LITAF: variants seen among roughly 807,000 people sequenced by gnomAD.
The protein encoded by LITAF is lipopolysaccharide-induced tumor necrosis factor-alpha factor.
A neutral mutation model predicts 14.5 loss-of-function variants in LITAF; 9 were observed. The ratio of observed to expected loss-of-function variants is 0.62; its 90% CI spans 0.37 to 1.08. The LOEUF (loss-of-function observed/expected upper bound fraction) is 1.08. Ranked by LOEUF, LITAF falls within the 50% of genes least tolerant of loss-of-function variation. The pLI, the probability that LITAF is intolerant of heterozygous loss-of-function variation, is 0.01. For missense variants in LITAF, 206 were observed against 213.4 expected, an observed-to-expected ratio of 0.97 and a Z score of 0.22; for synonymous variants, 98 against 88.2, an observed-to-expected ratio of 1.11 and a Z score of -0.62.
upstream of LITAF, among the ~76,000 whole-genome samples, chr16:11,602,729 TG>T (rs2064935029): frequency 2.0e-5 from 3 of 149,170 alleles, no homozygotes; most frequent in Admixed American, 6.8e-5. Flanking sequence ...TGTACCAGGT[TG>T]TAAGATCTAT....
chr16:11,573,476 G>A (rs1033295381), intron 1 of LITAF, among the ~76,000 whole-genome samples: 3 of 152,182 alleles, frequency 2.0e-5, no homozygotes, highest in Non-Finnish European at 4.4e-5. Flanking sequence ...AAAATGACAA[G>A]CACATGGGGT....
chr16:11,613,761 G>C (rs552685951), intron 3 of LITAF, among the ~76,000 whole-genome samples: 2 of 152,256 alleles, frequency 1.3e-5, no homozygotes, highest in African/African-American at 2.4e-5. Context: ...TGGTGGAACC[G>C]AGGGCACAGA....
chr16:11,639,836 A>AAC (rs2065157581), upstream of LITAF, among the ~76,000 whole-genome samples: 2 of 152,118 alleles, frequency 1.3e-5, no homozygotes, highest in African/African-American at 4.8e-5. Flanking sequence ...CTCTACTAAA[A>AAC]ACACAAAAAT....
At chr16:11,631,697 G>A (rs1274563198) in intron 3 of LITAF, among the ~76,000 whole-genome samples, 1 of 151,948 alleles carries the variant, frequency 6.6e-6, no homozygotes, top group Non-Finnish European at 1.5e-5. Context: ...GTCACCACAC[G>A]GACGCCTTCT....
In LITAF at chr16:11,553,549, T is replaced by A. The variant is rs994914722; in HGVS notation, c.361A>T (p.Ser121Cys). The A allele has an allele frequency of 6.2e-7, 1 of 1,613,984 alleles. No individual in the cohort carries two copies. Among genetic ancestry groups the A allele is most frequent in the African/African-American group, 1.3e-5 (1 of 75,014 alleles). ...AGALTWLSCGSLCLLGCIAGC... is the reference protein window; with the variant it reads ...AGALTWLSCGCLCLLGCIAGC... ...CAGACTCACCCCAGCAGGCACAGGCTCCCGCAGGACAGCCAGGTCAGAGCA... is the reference window on the plus strand; with the variant it reads ...CAGACTCACCCCAGCAGGCACAGGCACCCGCAGGACAGCCAGGTCAGAGCA... Residue 121 changes from serine to cysteine, a missense_variant, in exon 3 of 4, where the codon AGC becomes TGC. Coordinates refer to ENST00000622633, the MANE Select transcript of LITAF (RefSeq NM_001136472.2). This position sits in a 1 kb window ranked among gnomAD's most constrained non-coding sequence, Gnocchi z 7.7.
rs528232414 is a variant in LITAF, at chr16:11,560,201, G to A, written c.-5-3466C>T. 5.3e-5 allele frequency among the ~76,000 whole-genome samples: 8 copies of A among 151,704 alleles called. No homozygotes were observed. The South Asian group carries it at 1.7e-3, about 32-fold the overall frequency. On this transcript the variant is annotated intron_variant, in intron 1 of 3. Transcript: ENST00000622633. ...AATCCCAGCTACTCAGGAGGCTGAG[G>A]CAGGATAATCACTTGAACACGGGAG...
At chr16:11,622,475 C>T (rs924737886) in intron 3 of LITAF, among the ~76,000 whole-genome samples, 1 of 152,170 alleles carries the variant, frequency 6.6e-6, no homozygotes, top group Non-Finnish European at 1.5e-5. Flanking sequence ...ACTTGCAGAC[C>T]GCACACTTGT....
intron 3 of LITAF, among the ~76,000 whole-genome samples, chr16:11,628,091 C>T (rs116955569): frequency 6.6e-6 from 1 of 150,510 alleles, no homozygotes; most frequent in East Asian, 2.0e-4. Flanking sequence ...AACACAAAGA[C>T]ACATTTGCTC....
upstream of LITAF, among the ~76,000 whole-genome samples, chr16:11,602,137 G>A (rs1297745143): frequency 2.6e-5 from 4 of 152,160 alleles, no homozygotes; most frequent in African/African-American, 9.7e-5. Flanking sequence ...CGAGGCGGAC[G>A]GATTGCCTGA....
Position 11,577,037 on chromosome 16 carries a change from C to T in LITAF, c.-6+9849G>A, listed in dbSNP as rs115616686. On this transcript the variant is annotated intron_variant, in intron 1 of 3. Coordinates refer to ENST00000622633, the MANE Select transcript of LITAF (RefSeq NM_001136472.2). ...TGCCTGTTTCACATCCCCTGGCTGA[C>T]ACCACATGATCTAGCCCTTGATGAC... Among the ~76,000 whole-genome samples the T allele has an allele frequency of 4.8e-3, 737 of 152,312 alleles. 3 individuals carry two copies. Among genetic ancestry groups the T allele is most frequent in the African/African-American group, 0.017 (706 of 41,568 alleles).
chr16:11,637,930 ATCTATATCTATATATC>A (rs2065145446), upstream of LITAF, among the ~76,000 whole-genome samples: 2 of 90,016 alleles, frequency 2.2e-5, no homozygotes, highest in African/African-American at 1.2e-4. Flanking sequence ...CTATATCTAT[ATCTATATCTATATATC>A]TATATATATC....
intron 3 of LITAF, among the ~76,000 whole-genome samples, chr16:11,612,484 G>T (rs2064987917): frequency 6.6e-6 from 1 of 152,234 alleles, no homozygotes; most frequent in Non-Finnish European, 1.5e-5. Context: ...AGGTTTCTGT[G>T]GGAACGGCTG....
chr16:11,594,211 A>G (rs1483500506), intron 1 of LITAF, among the ~76,000 whole-genome samples: 1 of 151,972 alleles, frequency 6.6e-6, no homozygotes, highest in Non-Finnish European at 1.5e-5. Flanking sequence ...TTCTAGAACT[A>G]GATACTGGTG....
At chr16:11,564,933 T>C (rs1597341130) in intron 1 of LITAF, among the ~76,000 whole-genome samples, 1 of 151,286 alleles carries the variant, frequency 6.6e-6, no homozygotes, top group Non-Finnish European at 1.5e-5. Flanking sequence ...TTGGGGATGA[T>C]GAAAATGTTC....
At chr16:11,630,798 G>GTTGGCCGGGGTGGTCTCACTATT (rs2065114039) in intron 3 of LITAF, among the ~76,000 whole-genome samples, 2 of 151,746 alleles carry the variant, frequency 1.3e-5, no homozygotes, top group African/African-American at 4.8e-5. Context: ...GTCTCACTAT[G>GTTGGCCGGGGTGGTCTCACTATT]TTGGCCAGGC....
intron 3 of LITAF, among the ~76,000 whole-genome samples, chr16:11,620,331 G>A (rs1390753454): frequency 1.3e-5 from 2 of 152,104 alleles, no homozygotes; most frequent in African/African-American, 4.8e-5. Flanking sequence ...GTTCATGGGA[G>A]ATCTGATTGT....
chr16:11,598,575 G>A (rs988249629), upstream of LITAF: 1 of 152,082 alleles, frequency 6.6e-6, no homozygotes, highest in Non-Finnish European at 1.5e-5. Context: ...TCAACCTCCC[G>A]AGGGGGTAAC....
intron 3 of LITAF, among the ~76,000 whole-genome samples, chr16:11,610,948 C>T (rs1043473682): frequency 6.6e-6 from 1 of 151,880 alleles, no homozygotes; most frequent in African/African-American, 2.4e-5. Flanking sequence ...CACTTAGGAC[C>T]CCTCTCCCCC....
chr16:11,573,925 C>G (rs2064587544), intron 1 of LITAF, among the ~76,000 whole-genome samples: 1 of 151,810 alleles, frequency 6.6e-6, no homozygotes, highest in Admixed American at 6.6e-5. Context: ...TGGTCTCAAA[C>G]TCCTGACCTC....
Sources: allele counts gnomAD v4.1 joint callset (sites outside exome capture counted in the v4.1 genomes callset), GRCh38; gene constraint gnomAD v4.1.1; non-coding constraint Gnocchi (gnomAD v3.1); transcripts MANE v1.5; gene names NCBI Gene and HGNC (gene_info 2026-07-23, HGNC 2026-07-21).